Variants in ABHD12B observed in about 807,000 individuals in gnomAD.
The protein encoded by ABHD12B is protein ABHD12B.
ABHD12B carries 42 observed loss-of-function variants against 50.4 expected under a neutral mutation model. That is an observed-to-expected ratio of 0.83 (90% CI 0.65 to 1.08). ABHD12B has a LOEUF of 1.08. Among genes scored for constraint, ABHD12B ranks in the 50% least tolerant of loss-of-function variants. The pLI is 0.00. For missense variants in ABHD12B, 479 were observed against 447.7 expected (o/e 1.07, Z -0.63); for synonymous variants, 167 against 160.3 (o/e 1.04, Z -0.32).
chr14:50,899,416 A>G (rs1022593446), intron 9 of ABHD12B, among the ~76,000 whole-genome samples: 4 of 152,244 alleles, frequency 2.6e-5, no homozygotes, highest in Non-Finnish European at 4.4e-5. Context: ...CTATTATTAC[A>G]GTTCATAGTA....
chr14:50,892,498 G>C, intron 9 of ABHD12B: 1 of 985,408 alleles, frequency 1.0e-6, no homozygotes, highest in Non-Finnish European at 1.2e-6. Context: ...GGAGGATGGC[G>C]TAACCTCTTA....
rs1442689225 is a variant in ABHD12B, at chr14:50,892,662, A to G, written c.780+3759A>G. 4.5e-6 allele frequency: 4 copies of G among 896,956 alleles called. No individual in the cohort carries two copies. In the East Asian group the frequency reaches 3.6e-4, roughly 81 times the overall value. The allele number at this position is 896,956 out of a possible 1,614,324, so 55.6% of individuals were successfully genotyped here. On this transcript the variant is annotated intron_variant, in intron 9 of 12. Coordinates refer to ENST00000337334, the MANE Select transcript of ABHD12B (RefSeq NM_001206673.2). ...ATTTTTAATTTCTGGTTTTACCTGT[A>G]TTATTCCCTTTCTCATATGTTCTTT...
At chr14:50,873,770 A>G (rs1484146129) in intron 1 of ABHD12B, among the ~76,000 whole-genome samples, 2 of 152,122 alleles carry the variant, frequency 1.3e-5, no homozygotes, top group Non-Finnish European at 2.9e-5. Context: ...TTTAACATTT[A>G]TTTGGCAGTA....
chr14:50,881,705 G>T lies in ABHD12B; in HGVS notation c.486+79G>T, dbSNP rs1027333935. The stretch of plus-strand genomic sequence containing the variant: ...ATAAGATTTTCCTCAGGCCCTCCGC[G>T]TGGTTGTTTTTTGAGAGGTCTCCAG... On this transcript the variant is annotated intron_variant, in intron 5 of 12. Transcript: ENST00000337334. 3 of 1,579,704 alleles carry T rather than the reference G, an allele frequency of 1.9e-6. No individual in the cohort carries two copies. In the African/African-American group the frequency reaches 4.1e-5, roughly 21 times the overall value.
At chr14:50,904,042 C>A (rs754202844) in intron 11 of ABHD12B, 32 bp from the exon 12 acceptor site, 3 of 1,548,910 alleles carry the variant, frequency 1.9e-6, no homozygotes, top group South Asian at 1.1e-5. Context: ...CTTTGAATGG[C>A]CATCCTTTGA....
intron 9 of ABHD12B, chr14:50,895,519 C>G (rs1197433108): frequency 7.9e-5 from 12 of 152,010 alleles, no homozygotes; most frequent in Non-Finnish European, 1.5e-4. Flanking sequence ...CGTCCCATCT[C>G]TCTGGGACCC....
Position 50,880,435 on chromosome 14 carries a change from C to A in ABHD12B, c.336-17C>A. 1 of 1,583,462 alleles carries A rather than the reference C, an allele frequency of 6.3e-7. No homozygotes were observed. The highest frequency in any genetic ancestry group is 8.6e-7 in the Non-Finnish European group (1 of 1,166,932). On this transcript the variant is annotated splice_polypyrimidine_tract_variant and intron_variant, in intron 3 of 12. Transcript: ENST00000337334. The stretch of plus-strand genomic sequence containing the variant: ...ATTCCTCTTTCTACATTTGTTTAAA[C>A]CTCCCTTGCTCTTCAGGCACACAGT...
At position 50,893,764 on chromosome 14, in the gene ABHD12B, C is replaced by T. The variant is rs1288084781; in HGVS notation, c.780+4861C>T. ...TCTCACCAATTTCAAATCCGGTAAG[C>T]GGCCTCTTTTTACTCTCTTCTCCAA... is the stretch of plus-strand genomic sequence containing the variant. On this transcript the variant is annotated intron_variant, in intron 9 of 12. Transcript: ENST00000337334. 13 of 190,656 alleles carry T rather than the reference C, an allele frequency of 6.8e-5. No homozygotes were observed. The East Asian group carries it at 1.6e-3, about 24-fold the overall frequency. 11.8% of individuals were successfully genotyped at this position (190,656 alleles called of 1,614,324 possible).
At chr14:50,873,750 T>C (rs1025760528) in intron 1 of ABHD12B, among the ~76,000 whole-genome samples, 2 of 152,208 alleles carry the variant, frequency 1.3e-5, no homozygotes, top group Non-Finnish European at 2.9e-5. Flanking sequence ...GTGGAATTGA[T>C]GGCTGATTAT....
chr14:50,895,718 G>A (rs941833091), intron 9 of ABHD12B: 2 of 152,210 alleles, frequency 1.3e-5, no homozygotes, highest in East Asian at 3.9e-4. Context: ...CTCTCACAGT[G>A]CAAGGTAGGC....
intron 9 of ABHD12B, chr14:50,895,467 T>C (rs1596019744): frequency 6.6e-6 from 1 of 152,274 alleles, no homozygotes. Flanking sequence ...ATCTGGCCAC[T>C]GGGCCAAGGA....
chr14:50,881,592 A>G lies in ABHD12B; in HGVS notation c.456-4A>G, dbSNP rs1355382544. 4 of 1,535,486 alleles carry G rather than the reference A, an allele frequency of 2.6e-6. No individual in the cohort carries two copies. The highest frequency in any genetic ancestry group is 3.5e-6 in the Non-Finnish European group (4 of 1,142,466). On this transcript the variant is annotated splice_polypyrimidine_tract_variant and splice_region_variant and intron_variant, in intron 4 of 12. Coordinates refer to ENST00000337334, the MANE Select transcript of ABHD12B (RefSeq NM_001206673.2). ...TTTTTTTTTTTTTTAAACTTCCTTC[A>G]CAGGGCAGCTTCGCACAGACTGAAG... is the stretch of plus-strand genomic sequence containing the variant.
chr14:50,878,465 T>C (rs1341004542), intron 2 of ABHD12B, among the ~76,000 whole-genome samples: 1 of 152,256 alleles, frequency 6.6e-6, no homozygotes, highest in African/African-American at 2.4e-5. Context: ...CCACTGCTTT[T>C]AAAAAGCTGG....
At chr14:50,880,420 C>A (rs748891865) in intron 3 of ABHD12B, 32 bp from the exon 4 acceptor site, 1 of 1,560,790 alleles carries the variant, frequency 6.4e-7, no homozygotes, top group Admixed American at 2.0e-5. Context: ...ATTCCTCTTT[C>A]TACATTTGTT....
intron 1 of ABHD12B, among the ~76,000 whole-genome samples, chr14:50,876,262 A>G (rs1367394540): frequency 6.6e-6 from 1 of 152,146 alleles, no homozygotes; most frequent in Non-Finnish European, 1.5e-5. Context: ...AAATCTATCC[A>G]TTACCCTTAG....
At chr14:50,872,396 GC>G in intron 1 of ABHD12B, 118 bp downstream of exon 1, 2 of 713,780 alleles carry the variant, frequency 2.8e-6, no homozygotes, top group Non-Finnish European at 3.8e-6. Flanking sequence ...CGGGCCCAAG[GC>G]CCAGCATTGT....
In ABHD12B at chr14:50,872,232, C is replaced by T; in HGVS notation, c.58C>T (p.Arg20Cys). ...ASPEPPGPPA[R>C]SCVAAWWDMV... ...GCCCGAGCCGCCCGGGCCCCCAGCC[C>T]GTAGCTGCGTGGCCGCCTGGTGGGA... The change falls in exon 1 of 13, where the codon CGT becomes TGT. Residue 20 changes from arginine (R) to cysteine (C), a missense_variant. By Grantham distance (180) the Arg-to-Cys change is radical. Transcript: ENST00000337334. 7.2e-7 allele frequency: 1 copy of T among 1,395,118 alleles called. No individual in the cohort carries two copies. The highest frequency in any genetic ancestry group is 9.3e-7 in the Non-Finnish European group (1 of 1,071,296). The allele number at this position is 1,395,118 out of a possible 1,614,324, so 86.4% of individuals were successfully genotyped here. A position where few individuals can be genotyped will look rare whatever the true frequency, so the allele number is the denominator to read the frequency against.
intron 4 of ABHD12B, 116 bp from the exon 5 acceptor site, chr14:50,881,480 C>T: frequency 9.0e-7 from 1 of 1,108,396 alleles, no homozygotes; most frequent in South Asian, 1.8e-5. Context: ...TTCCTCCAAC[C>T]TGAAAGAGAA....
At position 50,904,124 on chromosome 14, in the gene ABHD12B, G is replaced by A. The variant is rs772252612; in HGVS notation, c.993G>A (p.Met331Ile). The A allele has an allele frequency of 1.5e-5, 24 of 1,613,980 alleles. No individual in the cohort carries two copies. The highest frequency in any genetic ancestry group is 1.7e-5 in the Non-Finnish European group (20 of 1,180,000). ...ACAGGAACAAAGAGAGGGTCAAGAT[G>A]GTTATCTTTCCTCCTGGCTTCCAAC... ...NAYRNKERVK[M>I]VIFPPGFQHN... The change falls in exon 12 of 13, where the codon ATG (methionine) becomes ATA (isoleucine). Residue 331 changes from methionine (M) to isoleucine (I), a missense_variant. Transcript: ENST00000337334.
Sources: gnomAD v4.1 joint callset for allele counts (sites outside exome capture counted in the v4.1 genomes callset) on GRCh38, gnomAD v4.1.1 for gene constraint, MANE v1.5 for transcripts, NCBI Gene and HGNC (gene_info 2026-07-23, HGNC 2026-07-21) for gene names.